TIMM23: variants seen among roughly 807,000 people sequenced by gnomAD.
TIMM23 encodes mitochondrial import inner membrane translocase subunit Tim23.
In TIMM23, 19 loss-of-function variants were observed where a neutral mutation model predicts 30.7. The observed-to-expected ratio is 0.62, with a 90% CI of 0.43 to 0.91. The LOEUF (loss-of-function observed/expected upper bound fraction) is 0.91. TIMM23 is among the 40% of genes least tolerant of loss of function. The pLI, the probability that TIMM23 is intolerant of heterozygous loss-of-function variation, is 0.00. For missense variants in TIMM23, 202 were observed against 269.2 expected (o/e 0.75, Z 1.75); for synonymous variants, 78 against 98.5 (o/e 0.79, Z 1.23).
At chr10:46,002,810 A>ATTTTTTTTTTTT (rs386371331) in intron 6 of TIMM23, among the ~76,000 whole-genome samples, 2 of 95,068 alleles carry the variant, frequency 2.1e-5, no homozygotes, top group African/African-American at 4.3e-5. Flanking sequence ...ATTTCATAGT[A>ATTTTTTTTTTTT]TTTTTTTTTT....
intron 6 of TIMM23, among the ~76,000 whole-genome samples, chr10:45,997,086 G>A (rs1168401603): frequency 6.6e-6 from 1 of 151,516 alleles, no homozygotes; most frequent in Non-Finnish European, 1.5e-5. Context: ...TACAAAAAAT[G>A]AGCTAAGCAT....
chr10:45,990,116 A>ATTTTTTTTTTTTTTTTT (rs782791725), intron 6 of TIMM23, among the ~76,000 whole-genome samples: 1 of 135,824 alleles, frequency 7.4e-6, no homozygotes, highest in African/African-American at 2.7e-5. Flanking sequence ...GCAACTTTTA[A>ATTTTTTTTTTTTTTTTT]TTTTTTTTTT....
At chr10:45,981,190 C>T (rs1263601999) in intron 2 of TIMM23, among the ~76,000 whole-genome samples, 3 of 146,254 alleles carry the variant, frequency 2.1e-5, no homozygotes, top group African/African-American at 5.1e-5. Flanking sequence ...CCACCCGACT[C>T]GGCTTCCCAA....
At chr10:45,998,988 A>G (rs1242444034) in intron 6 of TIMM23, among the ~76,000 whole-genome samples, 1 of 151,926 alleles carries the variant, frequency 6.6e-6, no homozygotes, top group Non-Finnish European at 1.5e-5. Flanking sequence ...GCCTGCCACC[A>G]CACCTGGCTA....
intron 2 of TIMM23, 148 bp from the exon 3 acceptor site, chr10:45,982,375 A>G: frequency 1.4e-6 from 1 of 710,928 alleles, no homozygotes; most frequent in East Asian, 2.7e-5. Flanking sequence ...TTACTGCTGC[A>G]GAAAGTTTTA....
In TIMM23 at chr10:45,975,448, C is replaced by T. The variant is rs1554912840; in HGVS notation, c.107-6C>T. On this transcript the variant is annotated splice_polypyrimidine_tract_variant and splice_region_variant and intron_variant, in intron 1 of 6. Coordinates refer to ENST00000580018, the MANE Select transcript of TIMM23 (RefSeq NM_006327.4). ...GTTGCAATGTGACATTTTGTTTTCT[C>T]TCTAGTAACTGGTATGAACCCTCTG... The T allele has an allele frequency of 4.3e-6, 7 of 1,613,696 alleles. No individual in the cohort carries two copies. The highest frequency in any genetic ancestry group is 5.9e-6 in the Non-Finnish European group (7 of 1,179,850).
intron 6 of TIMM23, among the ~76,000 whole-genome samples, chr10:45,998,666 G>T (rs1267523374): frequency 6.6e-6 from 1 of 152,260 alleles, no homozygotes; most frequent in East Asian, 1.9e-4. Context: ...TATGTGATAA[G>T]TACAAACACC....
rs4408262 is a variant in TIMM23, at chr10:45,978,639, G to A, written c.165+3127G>A. ...TCACTATAATCAAAAAGAAAATAATGAGTATTGTTGAGGATGTAGAGAAAT... is the reference window on the plus strand; with the variant it reads ...TCACTATAATCAAAAAGAAAATAATAAGTATTGTTGAGGATGTAGAGAAAT... On this transcript the variant is annotated intron_variant, in intron 2 of 6. Transcript: ENST00000580018. Among the ~76,000 whole-genome samples the A allele has an allele frequency of 4.3e-3, 657 of 152,162 alleles. 5 individuals carry two copies. Among genetic ancestry groups the A allele is most frequent in the East Asian group, 0.017 (90 of 5,168 alleles).
At chr10:45,989,761 C>T (rs1838100625) in intron 6 of TIMM23, among the ~76,000 whole-genome samples, 1 of 152,172 alleles carries the variant, frequency 6.6e-6, no homozygotes, top group African/African-American at 2.4e-5. Flanking sequence ...TTCCTATGAT[C>T]ATCTTACTCT....
intron 1 of TIMM23, among the ~76,000 whole-genome samples, chr10:45,975,011 G>T (rs1199226790): frequency 7.2e-5 from 11 of 151,930 alleles, no homozygotes; most frequent in Admixed American, 4.6e-4. Context: ...GAACTGCCTT[G>T]AAATAGTTAG....
At chr10:46,001,462 A>G (rs1347244410) in intron 6 of TIMM23, among the ~76,000 whole-genome samples, 2 of 152,200 alleles carry the variant, frequency 1.3e-5, no homozygotes, top group Non-Finnish European at 2.9e-5. Context: ...GTCAGCTATC[A>G]GAAGTCTTCA....
At chr10:45,985,134 T>C (rs1345263398) in intron 4 of TIMM23, among the ~76,000 whole-genome samples, 1 of 151,908 alleles carries the variant, frequency 6.6e-6, no homozygotes, top group African/African-American at 2.4e-5. Flanking sequence ...TTTTCCTTAT[T>C]ATTATTATTA....
chr10:45,991,641 C>T (rs1294906619), intron 6 of TIMM23, among the ~76,000 whole-genome samples: 4 of 151,886 alleles, frequency 2.6e-5, no homozygotes, highest in South Asian at 2.1e-4. Flanking sequence ...ATCCCAGCTA[C>T]TCGGGAGGCT....
rs1277627084 is a variant in TIMM23 at position 45,972,507 on chromosome 10, C to G, written c.-118C>G. 20 of 1,440,378 alleles carry G rather than the reference C, an allele frequency of 1.4e-5. No homozygotes were observed. Among genetic ancestry groups the G allele is most frequent in the South Asian group, 2.8e-5 (2 of 72,556 alleles). The allele number at this position is 1,440,378 out of a possible 1,614,324, so 89.2% of individuals were successfully genotyped here. A position where few individuals can be genotyped will look rare whatever the true frequency, so the allele number is the denominator to read the frequency against. On this transcript the variant is annotated 5_prime_UTR_variant, in exon 1 of 7. Coordinates refer to ENST00000580018, the MANE Select transcript of TIMM23 (RefSeq NM_006327.4). ...TAACGGGAACCGGCGCCCGGAAGGT[C>G]AGCGTGTGAAGTAGGCGCTGGCAAC...
intron 2 of TIMM23, among the ~76,000 whole-genome samples, chr10:45,979,797 T>C (rs1390962725): frequency 2.0e-5 from 3 of 152,146 alleles, no homozygotes; most frequent in Non-Finnish European, 4.4e-5. Flanking sequence ...TCAAATGTTA[T>C]ATTTTAACAT....
intron 6 of TIMM23, among the ~76,000 whole-genome samples, chr10:45,990,401 C>T (rs1165075983): frequency 3.3e-5 from 5 of 151,314 alleles, no homozygotes; most frequent in African/African-American, 1.2e-4. Flanking sequence ...GGATTACAGG[C>T]GTGAGCCACC....
In TIMM23 at chr10:45,984,666, G is replaced by A. The variant is rs1303092947; in HGVS notation, c.345-717G>A. Reference sequence around the variant, plus strand: ...ATTCCTGGGATCATGTTACACTGCTGGGAGAAGAATGTCTTCTCTTCATCC... The same window carrying A: ...ATTCCTGGGATCATGTTACACTGCTAGGAGAAGAATGTCTTCTCTTCATCC... On this transcript the variant is annotated intron_variant, in intron 4 of 6. Transcript: ENST00000580018. 4.1e-3 allele frequency: 1,184 copies of A among 289,736 alleles called. 12 individuals are homozygous for A. The highest frequency in any genetic ancestry group is 0.015 in the East Asian group (163 of 10,684). 17.9% of individuals were successfully genotyped at this position (289,736 alleles called of 1,614,324 possible). A position where few individuals can be genotyped will look rare whatever the true frequency, so the allele number is the denominator to read the frequency against.
intron 2 of TIMM23, among the ~76,000 whole-genome samples, chr10:45,980,257 CTT>C (rs1165632314): frequency 6.9e-6 from 1 of 144,382 alleles, no homozygotes. Context: ...TTGGCAACAA[CTT>C]TTTTTTTTTC....
At chr10:45,981,092 C>T (rs1203291339) in intron 2 of TIMM23, among the ~76,000 whole-genome samples, 1 of 148,640 alleles carries the variant, frequency 6.7e-6, no homozygotes, top group Non-Finnish European at 1.5e-5. Context: ...GCGCACACTG[C>T]CACGCCCAGC....
Sources: gnomAD v4.1 joint callset for allele counts (sites outside exome capture counted in the v4.1 genomes callset) on GRCh38, gnomAD v4.1.1 for gene constraint, MANE v1.5 for transcripts, NCBI Gene and HGNC (gene_info 2026-07-23, HGNC 2026-07-21) for gene names.